Variants in PCSK6 observed in about 807,000 individuals in gnomAD.
PCSK6 encodes the protein paired basic amino acid cleaving enzyme 4.
A neutral mutation model predicts 123.3 loss-of-function variants in PCSK6; 85 were observed. The observed-to-expected ratio is 0.69, with a 90% CI of 0.58 to 0.83. PCSK6 has a LOEUF of 0.83. Ranked by LOEUF, PCSK6 falls within the 40% of genes least tolerant of loss-of-function variation. The pLI is 0.00. For synonymous variants in PCSK6, 508 were observed against 516.0 expected (o/e 0.98, Z 0.21); for missense variants, 1,191 against 1,282.3 (o/e 0.93, Z 1.09).
At chr15:101,484,669 G>A (rs1270577579) in intron 1 of PCSK6, among the ~76,000 whole-genome samples, 1 of 152,188 alleles carries the variant, frequency 6.6e-6, no homozygotes, top group Non-Finnish European at 1.5e-5. Context: ...GGGATTACAG[G>A]CGTGAGCCAC....
At chr15:101,324,377 C>T (rs2040199714) in intron 17 of PCSK6, among the ~76,000 whole-genome samples, 1 of 152,248 alleles carries the variant, frequency 6.6e-6, no homozygotes, top group East Asian at 1.9e-4. Flanking sequence ...CAGCTCTGAC[C>T]ACCAATCCCA....
At chr15:101,379,125 TG>T (rs2041838519) in intron 11 of PCSK6, among the ~76,000 whole-genome samples, 1 of 152,210 alleles carries the variant, frequency 6.6e-6, no homozygotes, top group South Asian at 2.1e-4. Flanking sequence ...AATGCTAGTT[TG>T]GGAGCACAGG....
intron 6 of PCSK6, among the ~76,000 whole-genome samples, chr15:101,416,606 C>T (rs1396678555): frequency 2.0e-5 from 3 of 152,262 alleles, no homozygotes; most frequent in African/African-American, 7.2e-5. Flanking sequence ...CCCCTCCCAT[C>T]AGAGGCCCAG....
chr15:101,436,434 T>C (rs1039639783), intron 2 of PCSK6, among the ~76,000 whole-genome samples: 1 of 152,216 alleles, frequency 6.6e-6, no homozygotes, highest in Admixed American at 6.5e-5. Context: ...GCCAGCTCTT[T>C]CTTTTCTCTT....
intron 14 of PCSK6, 55 bp from the exon 15 acceptor site, chr15:101,331,744 C>A (rs2040375386): frequency 1.9e-6 from 3 of 1,600,554 alleles, no homozygotes; most frequent in East Asian, 2.2e-5. Context: ...GAGAGACACA[C>A]AACCATCAGC....
intron 7 of PCSK6, among the ~76,000 whole-genome samples, chr15:101,395,528 A>G (rs2412067): frequency 0.32 from 49,006 of 152,170 alleles, 8,472 homozygotes; most frequent in Non-Finnish European, 0.39. Context: ...GGAAGGAGAC[A>G]TGGAAATGAG....
chr15:101,393,107 A>C, intron 8 of PCSK6, 105 bp downstream of exon 8: 1 of 961,830 alleles, frequency 1.0e-6, no homozygotes, highest in Non-Finnish European at 1.6e-6. Flanking sequence ...ATCCGGAACA[A>C]TCTGGCCTCA....
chr15:101,479,438 G>C (rs1596165519), intron 1 of PCSK6, among the ~76,000 whole-genome samples: 1 of 152,314 alleles, frequency 6.6e-6, no homozygotes, highest in South Asian at 2.1e-4. Flanking sequence ...GGCCTGGAAG[G>C]GAGGCAGGGA....
rs547509931 is a variant in PCSK6, at chr15:101,304,572, C to A, written c.*686G>T. ...TGAAGACACAGACAGAACACGGTAA[C>A]AAGGAGAGCTCGGCTTGCTCAAAGG... On this transcript the variant is annotated 3_prime_UTR_variant, in exon 22 of 22. Transcript: ENST00000611716. 3 of 152,332 alleles carry A rather than the reference C, an allele frequency of 2.0e-5. No homozygotes were observed. The highest frequency in any genetic ancestry group is 7.2e-5 in the African/African-American group (3 of 41,560). The allele number at this position is 152,332 out of a possible 1,614,324, so 9.4% of individuals were successfully genotyped here.
At chr15:101,469,510 A>G (rs1391571983) in intron 1 of PCSK6, among the ~76,000 whole-genome samples, 1 of 152,174 alleles carries the variant, frequency 6.6e-6, no homozygotes, top group Non-Finnish European at 1.5e-5. Context: ...ATTTTCTTTC[A>G]TCTTTAAGAG....
chr15:101,385,899 CTT>C (rs1294076965), intron 9 of PCSK6, among the ~76,000 whole-genome samples: 1 of 152,132 alleles, frequency 6.6e-6, no homozygotes. Flanking sequence ...TCTTTTATTC[CTT>C]TTTTAGTCGG....
At chr15:101,316,098 C>A (rs2039985169) in intron 19 of PCSK6, among the ~76,000 whole-genome samples, 1 of 152,180 alleles carries the variant, frequency 6.6e-6, no homozygotes, top group Non-Finnish European at 1.5e-5. Flanking sequence ...GCCTGGGTCT[C>A]CAGGGCACAG....
chr15:101,452,287 C>T (rs1198644791), intron 1 of PCSK6, among the ~76,000 whole-genome samples: 1 of 152,116 alleles, frequency 6.6e-6, no homozygotes, highest in South Asian at 2.1e-4. Flanking sequence ...CATGTGGTCT[C>T]GGCCTATATT....
chr15:101,397,005 C>T (rs1352206731), intron 7 of PCSK6, among the ~76,000 whole-genome samples: 1 of 152,086 alleles, frequency 6.6e-6, no homozygotes, highest in Non-Finnish European at 1.5e-5. Flanking sequence ...GAAGCTTCCG[C>T]CTCACACTTG....
intron 13 of PCSK6, chr15:101,347,560 C>T: frequency 7.1e-7 from 1 of 1,415,072 alleles, no homozygotes. Flanking sequence ...CTTGCACGCA[C>T]ACGCATTCAT....
At chr15:101,312,383 A>C (rs540018921) in intron 20 of PCSK6, 1 of 152,734 alleles carries the variant, frequency 6.5e-6, no homozygotes, top group Admixed American at 6.5e-5. Context: ...AGGGCCATCA[A>C]ATAAGAATGG....
chr15:101,370,537 G>A lies in PCSK6; in HGVS notation c.1533-14C>T. ...AAGGGGATGCTCCTGGGGGAGAAGG[G>A]AGGGCTCAGCACTTGGCACCGGAAG... On this transcript the variant is annotated splice_polypyrimidine_tract_variant and intron_variant, in intron 11 of 21. Coordinates refer to ENST00000611716, the MANE Select transcript of PCSK6 (RefSeq NM_002570.5). 6.9e-7 allele frequency: 1 copy of A among 1,450,052 alleles called. No individual in the cohort carries two copies. Among genetic ancestry groups the A allele is most frequent in the South Asian group, 1.4e-5 (1 of 68,968 alleles). 89.8% of individuals were successfully genotyped at this position (1,450,052 alleles called of 1,614,324 possible). A position where few individuals can be genotyped will look rare whatever the true frequency, so the allele number is the denominator to read the frequency against.
intron 9 of PCSK6, among the ~76,000 whole-genome samples, chr15:101,387,304 C>T (rs1473040949): frequency 1.3e-5 from 2 of 152,140 alleles, no homozygotes; most frequent in Admixed American, 1.3e-4. Flanking sequence ...GGAGTTTAGA[C>T]AAGTGCTGAC....
chr15:101,401,561 A>T (rs2042588050), intron 6 of PCSK6, among the ~76,000 whole-genome samples: 1 of 152,204 alleles, frequency 6.6e-6, no homozygotes, highest in Non-Finnish European at 1.5e-5. Flanking sequence ...GACGTGGGGC[A>T]TGCCACAGGT....
Sources: allele counts gnomAD v4.1 joint callset (sites outside exome capture counted in the v4.1 genomes callset), GRCh38; gene constraint gnomAD v4.1.1; transcripts MANE v1.5; gene names NCBI Gene and HGNC (gene_info 2026-07-23, HGNC 2026-07-21).